FUT8: variants seen among roughly 807,000 people sequenced by gnomAD.
FUT8 encodes alpha-(1,6)-fucosyltransferase.
FUT8 carries 29 observed loss-of-function variants against 71.3 expected under a neutral mutation model. The observed-to-expected ratio is 0.41, with a 90% confidence interval of 0.30 to 0.55. The LOEUF is 0.55. FUT8 is among the 20% of genes least tolerant of loss of function. The probability of loss-of-function intolerance (pLI) is 0.34; values close to 1 mark genes in which losing one functional copy is unlikely to be tolerated. For missense variants in FUT8, 544 were observed against 702.1 expected (o/e 0.77, Z 2.55); for synonymous variants, 254 against 239.3 (o/e 1.06, Z -0.57).
chr14:65,430,516 A>G (rs1236590777), intron 1 of FUT8, among the ~76,000 whole-genome samples: 1 of 152,126 alleles, frequency 6.6e-6, no homozygotes, highest in Non-Finnish European at 1.5e-5. Flanking sequence ...TTCCTGGGGA[A>G]TTTTTATTTT....
rs542380950 is a variant in FUT8 at position 65,693,359 on chromosome 14, C to A, written c.835+23879C>A. Reference sequence around the variant, plus strand: ...GTCTCCACCAAAAAAATACGAAAACCAGTCAGGCGTGGCGGCGCGCGCCTG... The same window carrying A: ...GTCTCCACCAAAAAAATACGAAAACAAGTCAGGCGTGGCGGCGCGCGCCTG... On this transcript the variant is annotated intron_variant, in intron 7 of 10. Coordinates refer to ENST00000673929, the MANE Select transcript of FUT8 (RefSeq NM_001371533.1). 6.7e-4 allele frequency among the ~76,000 whole-genome samples: 102 copies of A among 152,348 alleles called. 1 individual carries two copies. Among genetic ancestry groups the A allele is most frequent in the African/African-American group, 1.8e-3 (76 of 41,578 alleles).
intron 1 of FUT8, among the ~76,000 whole-genome samples, chr14:65,423,049 G>A (rs570577338): frequency 7.3e-4 from 104 of 141,838 alleles, no homozygotes; most frequent in African/African-American, 2.7e-3. Flanking sequence ...GCAGTGGCGC[G>A]ATCTCGGCTC....
the FUT8 span, among the ~76,000 whole-genome samples, chr14:65,356,878 A>G: frequency 6.6e-6 from 1 of 152,200 alleles, no homozygotes. The surrounding 1 kb of genome is among the most constrained non-coding windows in gnomAD (Gnocchi z 4.6). Flanking sequence ...CGGCTCACAT[A>G]TCTGGCAGAG....
chr14:65,634,445 C>T (rs977784549), intron 6 of FUT8, among the ~76,000 whole-genome samples: 1 of 152,096 alleles, frequency 6.6e-6, no homozygotes, highest in Non-Finnish European at 1.5e-5. Flanking sequence ...GCAGGGTCCT[C>T]TGCCTAGGAA....
At chr14:65,668,538 A>G (rs1478654097) in intron 6 of FUT8, among the ~76,000 whole-genome samples, 1 of 152,184 alleles carries the variant, frequency 6.6e-6, no homozygotes, top group East Asian at 1.9e-4. Flanking sequence ...CAAAAATAAC[A>G]TGCTGGTGAG....
chr14:65,478,730 T>A (rs2066284870), intron 2 of FUT8, among the ~76,000 whole-genome samples: 1 of 152,202 alleles, frequency 6.6e-6, no homozygotes. Context: ...AATCTCTAAC[T>A]AGTGTCTTTC....
At chr14:65,379,101 C>G in the FUT8 span, among the ~76,000 whole-genome samples, 1 of 151,920 alleles carries the variant, frequency 6.6e-6, no homozygotes. Flanking sequence ...CCTGCCTCGG[C>G]CTCCCAGAGT....
Position 65,616,041 on chromosome 14 carries a change from G to C in FUT8, c.267G>C (p.Gln89His), listed in dbSNP as rs199672764. Residue 89 changes from glutamine (Q) to histidine (H), a missense_variant, in exon 4 of 11, where the codon CAG (glutamine) becomes CAC (histidine). Coordinates refer to ENST00000673929, the MANE Select transcript of FUT8 (RefSeq NM_001371533.1). ...AIGRVRVLEE[Q>H]LVKAKEQIEN... Reference sequence around the variant, plus strand: ...GAAGAGTACGCGTTTTAGAAGAGCAGCTTGTTAAGGCCAAAGAACAGATTG... The same window carrying C: ...GAAGAGTACGCGTTTTAGAAGAGCACCTTGTTAAGGCCAAAGAACAGATTG... The C allele has an allele frequency of 4.4e-5, 71 of 1,614,042 alleles. 1 individual carries two copies. Among genetic ancestry groups the C allele is most frequent in the Non-Finnish European group, 5.8e-5 (69 of 1,179,918 alleles).
At chr14:65,419,850 T>C (rs2065268119) in intron 1 of FUT8, among the ~76,000 whole-genome samples, 1 of 152,218 alleles carries the variant, frequency 6.6e-6, no homozygotes, top group Admixed American at 6.5e-5. Flanking sequence ...GTAGATGTAC[T>C]GATAACCCTG....
rs74628021 is a variant in FUT8, at chr14:65,575,765, C to T, written c.203+13999C>T. On this transcript the variant is annotated intron_variant, in intron 3 of 10. Transcript: ENST00000673929. ...TCCCGAGTAGCTGGAATTACAGGTGCGCGTTGCTGTGGCCTGGCTAATTTT... is the reference window on the plus strand; with the variant it reads ...TCCCGAGTAGCTGGAATTACAGGTGTGCGTTGCTGTGGCCTGGCTAATTTT... Among the ~76,000 whole-genome samples the T allele has an allele frequency of 3.1e-3, 472 of 152,082 alleles. 3 individuals are homozygous for T. The East Asian group carries it at 0.035, about 11-fold the overall frequency.
intron 2 of FUT8, among the ~76,000 whole-genome samples, chr14:65,505,666 A>G (rs373241841): frequency 6.6e-5 from 10 of 152,148 alleles, no homozygotes; most frequent in African/African-American, 2.4e-4. Flanking sequence ...TTGAGGTTTC[A>G]GGAATGTATT....
chr14:65,608,463 A>G (rs1888703889), intron 3 of FUT8, among the ~76,000 whole-genome samples: 1 of 151,930 alleles, frequency 6.6e-6, no homozygotes, highest in Non-Finnish European at 1.5e-5. Flanking sequence ...TTTAGGCTAC[A>G]ACTCACTAGT....
intron 9 of FUT8, among the ~76,000 whole-genome samples, chr14:65,732,310 G>A (rs1896018065): frequency 6.6e-6 from 1 of 152,186 alleles, no homozygotes; most frequent in Non-Finnish European, 1.5e-5. Flanking sequence ...GAAAGTCCCA[G>A]GCATAGGTAG....
Position 65,743,623 on chromosome 14 carries a change from C to G in FUT8, c.*1213C>G, listed in dbSNP as rs931836464. 6.6e-5 allele frequency: 10 copies of G among 151,848 alleles called. No individual in the cohort carries two copies. Among genetic ancestry groups the G allele is most frequent in the Admixed American group, 5.3e-4 (8 of 15,222 alleles). 9.4% of individuals were successfully genotyped at this position (151,848 alleles called of 1,614,324 possible). A position where few individuals can be genotyped will look rare whatever the true frequency, so the allele number is the denominator to read the frequency against. ...TTTGGGATTGGGAAGCTGGCTGTTT[C>G]AGAAGTATATGTCTCATAGTGTGCA... is the stretch of plus-strand genomic sequence containing the variant. On this transcript the variant is annotated 3_prime_UTR_variant, in exon 11 of 11. Transcript: ENST00000673929.
intron 2 of FUT8, among the ~76,000 whole-genome samples, chr14:65,517,296 T>G (rs1882777331): frequency 6.6e-6 from 1 of 152,148 alleles, no homozygotes; most frequent in African/African-American, 2.4e-5. Context: ...GTGTTATCAG[T>G]GAATATTTAT....
chr14:65,361,363 A>T, the FUT8 span, among the ~76,000 whole-genome samples: 2 of 151,208 alleles, frequency 1.3e-5, no homozygotes, highest in Admixed American at 6.6e-5. Context: ...TCTCAAAAAA[A>T]AAAAAAAAAG....
At chr14:65,706,814 G>A (rs1894580554) in intron 7 of FUT8, among the ~76,000 whole-genome samples, 1 of 151,976 alleles carries the variant, frequency 6.6e-6, no homozygotes, top group African/African-American at 2.4e-5. Flanking sequence ...ATGAATTTGG[G>A]GGGAAAATAA....
intron 3 of FUT8, among the ~76,000 whole-genome samples, chr14:65,605,665 T>A (rs1888544761): frequency 6.6e-6 from 1 of 151,956 alleles, no homozygotes; most frequent in African/African-American, 2.4e-5. Context: ...TAAAATAAAT[T>A]TCTGTTGTTT....
chr14:65,717,258 G>A (rs1240334822), intron 7 of FUT8, among the ~76,000 whole-genome samples: 2 of 123,218 alleles, frequency 1.6e-5, no homozygotes, highest in African/African-American at 6.3e-5. Context: ...CCTCCCAGAC[G>A]GGGCGGCCGG....
Sources: allele counts gnomAD v4.1 joint callset (sites outside exome capture counted in the v4.1 genomes callset), GRCh38; gene constraint gnomAD v4.1.1; non-coding constraint Gnocchi (gnomAD v3.1); transcripts MANE v1.5; gene names NCBI Gene and HGNC (gene_info 2026-07-23, HGNC 2026-07-21).